PCSK6: variants seen among roughly 807,000 people sequenced by gnomAD.
PCSK6 encodes proprotein convertase subtilisin/kexin type 6.
In PCSK6, 85 loss-of-function variants were observed where a neutral mutation model predicts 123.3. That is an observed-to-expected ratio of 0.69 (90% CI 0.58 to 0.83). The LOEUF (loss-of-function observed/expected upper bound fraction) is 0.83. Among genes scored for constraint, PCSK6 ranks in the 40% least tolerant of loss-of-function variants. PCSK6 has a pLI of 0.00. For synonymous variants in PCSK6, 508 were observed against 516.0 expected, an observed-to-expected ratio of 0.98 and a Z score of 0.21; for missense variants, 1,191 against 1,282.3, an observed-to-expected ratio of 0.93 and a Z score of 1.09.
At chr15:101,309,471 C>T (rs897317562) in intron 20 of PCSK6, among the ~76,000 whole-genome samples, 1 of 152,244 alleles carries the variant, frequency 6.6e-6, no homozygotes, top group African/African-American at 2.4e-5. Flanking sequence ...TTCCCCCAAA[C>T]ACCATGGCCG....
chr15:101,384,125 G>C, intron 10 of PCSK6, 197 bp downstream of exon 10: 1 of 1,383,712 alleles, frequency 7.2e-7, no homozygotes, highest in Admixed American at 2.9e-5. Context: ...CTTGTGACCT[G>C]AGGGTTCTTC....
intron 1 of PCSK6, among the ~76,000 whole-genome samples, chr15:101,453,362 C>G (rs2057084637): frequency 6.6e-6 from 1 of 152,336 alleles, no homozygotes; most frequent in African/African-American, 2.4e-5. Context: ...CCCTGTGCAG[C>G]TGATGTGTTA....
Position 101,322,502 on chromosome 15 carries a change from G to A in PCSK6, c.2465+18C>T, listed in dbSNP as rs768239028. The A allele has an allele frequency of 1.3e-6, 2 of 1,576,692 alleles. No homozygotes were observed. Among genetic ancestry groups the A allele is most frequent in the Non-Finnish European group, 1.7e-6 (2 of 1,146,726 alleles). ...GCGCCACCGCCCTGACATTCCTCAGGTTTCGAGGGGGTTTTACCTGAATCC... is the reference window on the plus strand; with the variant it reads ...GCGCCACCGCCCTGACATTCCTCAGATTTCGAGGGGGTTTTACCTGAATCC... On this transcript the variant is annotated intron_variant, in intron 18 of 21. Transcript: ENST00000611716.
chr15:101,450,014 T>G (rs1335347004), intron 1 of PCSK6, among the ~76,000 whole-genome samples: 1 of 152,022 alleles, frequency 6.6e-6, no homozygotes, highest in Non-Finnish European at 1.5e-5. Flanking sequence ...CAGAGCAGCA[T>G]CAACAACACT....
intron 6 of PCSK6, among the ~76,000 whole-genome samples, chr15:101,403,341 C>A (rs557843847): frequency 6.7e-6 from 1 of 149,892 alleles, no homozygotes; most frequent in African/African-American, 2.5e-5. Context: ...TTAATGGGTG[C>A]AGCACACCAG....
At chr15:101,326,628 C>T (rs1295919154) in intron 15 of PCSK6, 149 bp from the exon 16 acceptor site, 12 of 691,752 alleles carry the variant, frequency 1.7e-5, no homozygotes, top group African/African-American at 3.6e-5. Flanking sequence ...GACGACAAGG[C>T]GGGAGCAGCC....
intron 8 of PCSK6, among the ~76,000 whole-genome samples, chr15:101,392,593 C>CTTCTTTTTTTT (rs540719293): frequency 1.9e-4 from 23 of 122,338 alleles, no homozygotes; most frequent in Middle Eastern, 4.3e-3. Flanking sequence ...CTCCCTTCCT[C>CTTCTTTTTTTT]TTTTTTTTTT....
chr15:101,430,982 G>A (rs1163580757), intron 4 of PCSK6, among the ~76,000 whole-genome samples: 2 of 152,322 alleles, frequency 1.3e-5, no homozygotes, highest in East Asian at 3.9e-4. Flanking sequence ...TGGGCCTAGA[G>A]CCCGTGTTTT....
intron 13 of PCSK6, among the ~76,000 whole-genome samples, chr15:101,343,214 C>CA (rs1567153222): frequency 2.0e-4 from 29 of 145,132 alleles, no homozygotes; most frequent in African/African-American, 7.0e-4. Context: ...TATAATCATG[C>CA]GTTTTTCTTT....
chr15:101,406,759 A>G lies in PCSK6; in HGVS notation c.824-8183T>C, dbSNP rs541598308. On this transcript the variant is annotated intron_variant, in intron 6 of 21. Coordinates refer to ENST00000611716, the MANE Select transcript of PCSK6 (RefSeq NM_002570.5). Reference sequence around the variant, plus strand: ...GCAGACCTACGTTCGCCATCGTGACATGAAGTGTGTGGGGACGCGCGGGGG... The same window carrying G: ...GCAGACCTACGTTCGCCATCGTGACGTGAAGTGTGTGGGGACGCGCGGGGG... Among the ~76,000 whole-genome samples, 7 of 152,216 alleles carry G rather than the reference A, an allele frequency of 4.6e-5. No individual in the cohort carries two copies. The South Asian group carries it at 1.5e-3, about 32-fold the overall frequency.
At chr15:101,413,029 G>GTA (rs2055757359) in intron 6 of PCSK6, among the ~76,000 whole-genome samples, 1 of 150,060 alleles carries the variant, frequency 6.7e-6, no homozygotes, top group Non-Finnish European at 1.5e-5. Context: ...AGGAGGAGGA[G>GTA]GAGGAGGAGG....
chr15:101,326,586 C>T lies in PCSK6; in HGVS notation c.2078-107G>A, dbSNP rs187876103. The T allele has an allele frequency of 6.0e-4, 652 of 1,088,666 alleles. 2 individuals carry two copies. The African/African-American group carries it at 6.9e-3, about 11-fold the overall frequency. 67.4% of individuals were successfully genotyped at this position (1,088,666 alleles called of 1,614,324 possible). A position where few individuals can be genotyped will look rare whatever the true frequency, so the allele number is the denominator to read the frequency against. On this transcript the variant is annotated intron_variant, in intron 15 of 21. Coordinates refer to ENST00000611716, the MANE Select transcript of PCSK6 (RefSeq NM_002570.5). ...ATCGCAGCTTGGCAGGGTTGGGAGA[C>T]GCTCCCAGGCCCCGCTGGGGCTGGA...
chr15:101,348,146 C>T (rs55870639), intron 13 of PCSK6, among the ~76,000 whole-genome samples: 1 of 149,228 alleles, frequency 6.7e-6, no homozygotes, highest in Non-Finnish European at 1.5e-5. Flanking sequence ...ACAACCCCCG[C>T]CCCCCCGGGG....
At chr15:101,407,765 C>A (rs183711056) in intron 6 of PCSK6, among the ~76,000 whole-genome samples, 23 of 152,348 alleles carry the variant, frequency 1.5e-4, no homozygotes, top group African/African-American at 5.1e-4. Flanking sequence ...CTGTGTGGCC[C>A]CACATACGGT....
chr15:101,406,488 G>A (rs1201365237), intron 6 of PCSK6, among the ~76,000 whole-genome samples: 2 of 152,186 alleles, frequency 1.3e-5, no homozygotes, highest in African/African-American at 4.8e-5. Flanking sequence ...AGTCCACAGA[G>A]AATTATGTTT....
intron 21 of PCSK6, among the ~76,000 whole-genome samples, chr15:101,306,282 G>A (rs2039720653): frequency 6.6e-6 from 1 of 152,096 alleles, no homozygotes; most frequent in Admixed American, 6.5e-5. Flanking sequence ...ACATAACCTG[G>A]GCAGGTGACT....
chr15:101,364,403 G>A (rs1477919138), intron 13 of PCSK6, among the ~76,000 whole-genome samples: 3 of 152,056 alleles, frequency 2.0e-5, no homozygotes, highest in Admixed American at 1.3e-4. Context: ...TTTCTTTCCT[G>A]GTTGTAACCC....
chr15:101,374,711 A>G (rs28669804), intron 11 of PCSK6, among the ~76,000 whole-genome samples: 20,933 of 152,230 alleles, frequency 0.14, 2,106 homozygotes, highest in East Asian at 0.46. Flanking sequence ...ACGGGAGTGA[A>G]TGGAATGGCA....
intron 6 of PCSK6, among the ~76,000 whole-genome samples, chr15:101,407,106 T>A (rs575072783): frequency 2.4e-4 from 36 of 151,624 alleles, no homozygotes; most frequent in African/African-American, 8.7e-4. Context: ...CAGTGTGGTG[T>A]GGCAAGGGTA....
Sources: allele counts gnomAD v4.1 joint callset (sites outside exome capture counted in the v4.1 genomes callset), GRCh38; gene constraint gnomAD v4.1.1; transcripts MANE v1.5; gene names NCBI Gene and HGNC (gene_info 2026-07-23, HGNC 2026-07-21).